The following ZNF729 variants were observed in gnomAD, a reference collection of about 807,000 sequenced individuals.
ZNF729 encodes the protein zinc finger protein 729.
In ZNF729, 15 loss-of-function variants were observed where a neutral mutation model predicts 12.2. That is an observed-to-expected ratio of 1.23 (90% CI 0.82 to 1.89). The LOEUF (loss-of-function observed/expected upper bound fraction) is 1.89. ZNF729 is among the 40% of genes most tolerant of loss of function. ZNF729 has a pLI of 0.00. For missense variants in ZNF729, 1,540 were observed against 1,456.7 expected, an observed-to-expected ratio of 1.06 and a Z score of -0.93; for synonymous variants, 492 against 476.3, an observed-to-expected ratio of 1.03 and a Z score of -0.43.
At chr19:22,306,607 A>C (rs1299366149) in intron 3 of ZNF729, among the ~76,000 whole-genome samples, 3 of 150,890 alleles carry the variant, frequency 2.0e-5, no homozygotes, top group African/African-American at 7.3e-5. Flanking sequence ...AGTTTCTATA[A>C]AATTTTTGTA....
chr19:22,295,443 A>T (rs543662191), intron 1 of ZNF729, among the ~76,000 whole-genome samples: 1 of 145,140 alleles, frequency 6.9e-6, no homozygotes, highest in South Asian at 2.2e-4. Flanking sequence ...GCTGGAGTGC[A>T]GTGGTGCAAT....
At chr19:22,295,567 A>AT (rs924731159) in intron 1 of ZNF729, among the ~76,000 whole-genome samples, 2 of 151,788 alleles carry the variant, frequency 1.3e-5, no homozygotes, top group Non-Finnish European at 2.9e-5. Context: ...CGCCCGGCTG[A>AT]TTTTTTGTAT....
At position 22,314,917 on chromosome 19, in the gene ZNF729, C is replaced by A. The variant is rs772894860; in HGVS notation, c.1500C>A (p.Phe500Leu). Residue 500 changes from phenylalanine to leucine, a missense_variant, in exon 4 of 4, where the codon TTC becomes TTA. Coordinates refer to ENST00000601693, the MANE Select transcript of ZNF729 (RefSeq NM_001242680.2). Reference protein sequence around the residue: ...CEECGKAFNHFSDLRRHKIIH... With the variant: ...CEECGKAFNHLSDLRRHKIIH... ...AATGTGGCAAAGCTTTTAACCATTT[C>A]TCAGACCTTAGAAGACATAAGATAA... 1 of 1,612,504 alleles carries A rather than the reference C, an allele frequency of 6.2e-7. No individual in the cohort carries two copies. The highest frequency in any genetic ancestry group is 1.7e-5 in the Admixed American group (1 of 59,922).
intron 2 of ZNF729, among the ~76,000 whole-genome samples, chr19:22,304,214 T>C (rs1370077816): frequency 6.6e-6 from 1 of 152,028 alleles, no homozygotes; most frequent in Non-Finnish European, 1.5e-5. Flanking sequence ...AATTTTTTTG[T>C]ATTTGTAGTA....
chr19:22,313,612 T>G, intron 3 of ZNF729, 59 bp from the exon 4 acceptor site: 1 of 1,373,024 alleles, frequency 7.3e-7, no homozygotes, highest in South Asian at 1.8e-5. Context: ...GTTAGATTTG[T>G]AAAGTATATT....
chr19:22,304,569 A>T, intron 2 of ZNF729, 119 bp from the exon 3 acceptor site: 1 of 847,632 alleles, frequency 1.2e-6, no homozygotes, highest in Non-Finnish European at 1.8e-6. Context: ...TTAGAAATGT[A>T]TGTTATAAAT....
intron 1 of ZNF729, among the ~76,000 whole-genome samples, chr19:22,296,815 T>C (rs893068487): frequency 5.9e-5 from 9 of 152,326 alleles, no homozygotes; most frequent in East Asian, 1.9e-4. Context: ...TTTCAAAAAC[T>C]TTTAAATTTC....
chr19:22,311,414 A>AT (rs1450541661), intron 3 of ZNF729, among the ~76,000 whole-genome samples: 1 of 151,944 alleles, frequency 6.6e-6, no homozygotes, highest in Non-Finnish European at 1.5e-5. Flanking sequence ...AGTTTGAAGA[A>AT]TTTTTTTAAT....
intron 1 of ZNF729, among the ~76,000 whole-genome samples, chr19:22,291,804 G>A (rs1410995059): frequency 6.6e-6 from 1 of 152,190 alleles, no homozygotes; most frequent in Non-Finnish European, 1.5e-5. Flanking sequence ...CACGATCTCG[G>A]CTCACTGCAA....
In ZNF729 at chr19:22,317,134, A is replaced by G. The variant is rs1968560826; in HGVS notation, c.3717A>G (p.Gly1239=). 1 of 1,601,274 alleles carries G rather than the reference A, an allele frequency of 6.2e-7. No homozygotes were observed. The highest frequency in any genetic ancestry group is 8.5e-7 in the Non-Finnish European group (1 of 1,174,350). ...HTLLDKTIHT[G]EKPYKCEECA... is the part of the protein sequence containing the mutation. The stretch of plus-strand genomic sequence containing the variant: ...TACTAGACAAAACAATTCATACTGG[A>G]GAGAAACCCTACAAATGTGAAGAAT... Residue 1239 remains glycine, a synonymous_variant, in exon 4 of 4, where the codon GGA becomes GGG. Coordinates refer to ENST00000601693, the MANE Select transcript of ZNF729 (RefSeq NM_001242680.2).
At position 22,315,346 on chromosome 19, in the gene ZNF729, T is replaced by A. The variant is rs904607713; in HGVS notation, c.1929T>A (p.Leu643=). The change falls in exon 4 of 4, where the codon CTT becomes CTA. Residue 643 remains leucine, a synonymous_variant. Coordinates refer to ENST00000601693, the MANE Select transcript of ZNF729 (RefSeq NM_001242680.2). The stretch of plus-strand genomic sequence containing the variant: ...AAGCTTTTAGGCAATCCTCACACCT[T>A]ACTAGACATAAAGCAATTCATACTG... ...CGKAFRQSSH[L]TRHKAIHTGE... 2 of 1,613,318 alleles carry A rather than the reference T, an allele frequency of 1.2e-6. No individual in the cohort carries two copies. The highest frequency in any genetic ancestry group is 1.7e-6 in the Non-Finnish European group (2 of 1,179,754).
chr19:22,310,462 A>T lies in ZNF729; in HGVS notation c.254-3209A>T, dbSNP rs950009496. On this transcript the variant is annotated intron_variant, in intron 3 of 3. Transcript: ENST00000601693. ...TTTCTGCATCTATTGAGATGATCAT[A>T]TGATTTTTGTTTTTATTCCTTTCTA... Among the ~76,000 whole-genome samples the T allele has an allele frequency of 2.6e-5, 4 of 152,080 alleles. No individual in the cohort carries two copies. In the East Asian group the frequency reaches 7.7e-4, roughly 29 times the overall value.
At chr19:22,297,357 A>G (rs984505413) in intron 1 of ZNF729, among the ~76,000 whole-genome samples, 7 of 150,546 alleles carry the variant, frequency 4.6e-5, no homozygotes, top group Admixed American at 3.3e-4. Flanking sequence ...TTAGATTTTG[A>G]GTGTCTGCTG....
At chr19:22,292,962 G>T (rs1968174612) in intron 1 of ZNF729, among the ~76,000 whole-genome samples, 1 of 152,078 alleles carries the variant, frequency 6.6e-6, no homozygotes, top group Non-Finnish European at 1.5e-5. Context: ...TTTCACAATG[G>T]TTGAACTAAT....
In ZNF729 at chr19:22,316,665, A is replaced by G. The variant is rs1228590223; in HGVS notation, c.3248A>G (p.Lys1083Arg). Residue 1083 changes from lysine to arginine, a missense_variant, in exon 4 of 4, where the codon AAA becomes AGA. Coordinates refer to ENST00000601693, the MANE Select transcript of ZNF729 (RefSeq NM_001242680.2). ...CCCTGCAAATGTGAAGAATGTGACAAAGCTTTTAAGCATTTCTCAGCCCTT... is the reference window on the plus strand; with the variant it reads ...CCCTGCAAATGTGAAGAATGTGACAGAGCTTTTAAGCATTTCTCAGCCCTT... ...EKPCKCEECD[K>R]AFKHFSALRK... The G allele has an allele frequency of 2.5e-6, 4 of 1,612,884 alleles. No individual in the cohort carries two copies. The highest frequency in any genetic ancestry group is 2.2e-5 in the South Asian group (2 of 91,076).
rs752196171 is a variant in ZNF729, at chr19:22,315,906, G to T, written c.2489G>T (p.Gly830Val). 2 of 1,610,682 alleles carry T rather than the reference G, an allele frequency of 1.2e-6. No homozygotes were observed. Among genetic ancestry groups the T allele is most frequent in the Non-Finnish European group, 1.7e-6 (2 of 1,179,552 alleles). Residue 830 changes from glycine (G) to valine (V), a missense_variant, in exon 4 of 4, where the codon GGC becomes GTC. Transcript: ENST00000601693. ...GEKPCKCEEC[G>V]KAFKHFSALR... ...AAACCCTGCAAATGTGAAGAATGTG[G>T]CAAAGCTTTTAAGCATTTCTCAGCC... is the stretch of plus-strand genomic sequence containing the variant.
intron 1 of ZNF729, among the ~76,000 whole-genome samples, chr19:22,289,014 C>A (rs547802088): frequency 2.9e-4 from 44 of 152,148 alleles, no homozygotes; most frequent in African/African-American, 1.0e-3. Context: ...GTGGGAGAAT[C>A]TCTCAAGTGA....
rs1968490541 is a variant in ZNF729, at chr19:22,314,292, A to G, written c.875A>G (p.Tyr292Cys). ...AGAATTCATACTGGAGAGAAAACCT[A>G]CAAATGTGAAGAATGTGGCAAAGCT... is the stretch of plus-strand genomic sequence containing the variant. ...HKRIHTGEKT[Y>C]KCEECGKAFK... Residue 292 changes from tyrosine to cysteine, a missense_variant, in exon 4 of 4, where the codon TAC becomes TGC. Tyr to Cys is a radical substitution (Grantham distance 194). Coordinates refer to ENST00000601693, the MANE Select transcript of ZNF729 (RefSeq NM_001242680.2). 2 of 1,610,524 alleles carry G rather than the reference A, an allele frequency of 1.2e-6. No individual in the cohort carries two copies.
At chr19:22,293,322 A>G (rs1312120847) in intron 1 of ZNF729, among the ~76,000 whole-genome samples, 1 of 151,706 alleles carries the variant, frequency 6.6e-6, no homozygotes, top group Non-Finnish European at 1.5e-5. Context: ...AGTGGATGGA[A>G]TTACAGGGAC....
Sources: allele counts gnomAD v4.1 joint callset (sites outside exome capture counted in the v4.1 genomes callset), GRCh38; gene constraint gnomAD v4.1.1; transcripts MANE v1.5; gene names NCBI Gene and HGNC (gene_info 2026-07-23, HGNC 2026-07-21).